The following GRAMD2B variants were observed in gnomAD, a reference collection of about 807,000 sequenced individuals.
GRAMD2B encodes the protein GRAM domain containing 2B, also known as GRAM domain-containing protein 2B.
In GRAMD2B, 41 loss-of-function variants were observed where a neutral mutation model predicts 59.2. The observed-to-expected ratio is 0.69, with a 90% CI of 0.54 to 0.90. The LOEUF (loss-of-function observed/expected upper bound fraction) is 0.90, where lower values mean the gene tolerates loss of function less well. Ranked by LOEUF, GRAMD2B falls within the 40% of genes least tolerant of loss-of-function variation. GRAMD2B has a pLI of 0.00. For synonymous variants in GRAMD2B, 161 were observed against 182.7 expected (o/e 0.88, Z 0.96); for missense variants, 424 against 500.5 (o/e 0.85, Z 1.46).
chr5:126,462,015 C>T (rs1767465908), intron 1 of GRAMD2B, among the ~76,000 whole-genome samples: 1 of 152,158 alleles, frequency 6.6e-6, no homozygotes, highest in Non-Finnish European at 1.5e-5. Flanking sequence ...GCATTTTCTA[C>T]TGCTTCTGTG....
At chr5:126,487,016 C>T in intron 12 of GRAMD2B, 39 bp downstream of exon 12, 1 of 1,068,644 alleles carries the variant, frequency 9.4e-7, no homozygotes, top group Middle Eastern at 2.1e-4. Flanking sequence ...GCTTGCCATT[C>T]TGCTTAATAT....
chr5:126,415,962 T>C (rs767476118), intron 1 of GRAMD2B, among the ~76,000 whole-genome samples: 4 of 152,238 alleles, frequency 2.6e-5, no homozygotes, highest in Non-Finnish European at 4.4e-5. Context: ...TTGCAATGCA[T>C]GAATTGCATT....
At chr5:126,473,871 G>A (rs958061909) in intron 5 of GRAMD2B, among the ~76,000 whole-genome samples, 3 of 152,166 alleles carry the variant, frequency 2.0e-5, no homozygotes, top group African/African-American at 7.2e-5. Context: ...AGCAGGAGGT[G>A]GAGCAGTTAA....
chr5:126,388,801 A>C (rs1376354637), intron 1 of GRAMD2B, among the ~76,000 whole-genome samples: 1 of 152,044 alleles, frequency 6.6e-6, no homozygotes, highest in African/African-American at 2.4e-5. Context: ...CTACATTATT[A>C]TATACCACAT....
chr5:126,448,449 CT>C (rs1764749488), intron 1 of GRAMD2B, among the ~76,000 whole-genome samples: 1 of 152,002 alleles, frequency 6.6e-6, no homozygotes, highest in African/African-American at 2.4e-5. Flanking sequence ...GACCTGTTTT[CT>C]GTACTCATCT....
At chr5:126,365,609 C>T (rs1754406591) in intron 1 of GRAMD2B, among the ~76,000 whole-genome samples, 1 of 152,142 alleles carries the variant, frequency 6.6e-6, no homozygotes, top group African/African-American at 2.4e-5. Context: ...GGCTCAATTC[C>T]CAAAGTCACG....
chr5:126,464,967 G>A (rs1768026160), intron 1 of GRAMD2B: 1 of 726,548 alleles, frequency 1.4e-6, no homozygotes, highest in South Asian at 6.2e-5. Context: ...ATTGCTTAGG[G>A]AACTGCTTGG....
intron 1 of GRAMD2B, among the ~76,000 whole-genome samples, chr5:126,399,495 C>T (rs1021155181): frequency 1.3e-5 from 2 of 152,092 alleles, no homozygotes; most frequent in African/African-American, 4.8e-5. Context: ...GCAGTTCCTC[C>T]CTTTTGCTCT....
intron 1 of GRAMD2B, among the ~76,000 whole-genome samples, chr5:126,446,026 C>T (rs900250308): frequency 1.3e-5 from 2 of 152,186 alleles, no homozygotes; most frequent in Non-Finnish European, 2.9e-5. Flanking sequence ...TACTGGGTAA[C>T]CAGATACCCA....
At chr5:126,489,478 T>C (rs1218604008) in intron 13 of GRAMD2B, among the ~76,000 whole-genome samples, 2 of 152,208 alleles carry the variant, frequency 1.3e-5, no homozygotes, top group Non-Finnish European at 2.9e-5. Context: ...TCAGCAGATC[T>C]GGAACCTGAA....
chr5:126,493,040 C>CTCTGACCAGCAGGGTGCA lies in GRAMD2B; in HGVS notation c.*84_*85insTCTGACCAGCAGGGTGCA. 2 of 1,023,894 alleles carry CTCTGACCAGCAGGGTGCA rather than the reference C, an allele frequency of 2.0e-6. No homozygotes were observed. The highest frequency in any genetic ancestry group is 3.1e-6 in the Non-Finnish European group (2 of 651,882). 63.4% of individuals were successfully genotyped at this position (1,023,894 alleles called of 1,614,324 possible). ...CCTGAGGCGTTTTGTTTGAGTGCAC[C>CTCTGACCAGCAGGGTGCA]CTGCTGGTCAGAGGTGCAAGCAGAT... On this transcript the variant is annotated 3_prime_UTR_variant, in exon 14 of 14. Transcript: ENST00000285689.
intron 1 of GRAMD2B, among the ~76,000 whole-genome samples, chr5:126,405,672 T>C (rs899804310): frequency 6.6e-6 from 1 of 151,742 alleles, no homozygotes; most frequent in African/African-American, 2.4e-5. Flanking sequence ...CAAAAGACAG[T>C]CTCCTTGAGG....
chr5:126,444,874 T>C (rs796364504), intron 1 of GRAMD2B, among the ~76,000 whole-genome samples: 24 of 152,276 alleles, frequency 1.6e-4, no homozygotes, highest in African/African-American at 5.8e-4. Flanking sequence ...CAGGGCTTAG[T>C]GTGTGTTGTT....
intron 1 of GRAMD2B, among the ~76,000 whole-genome samples, chr5:126,456,138 A>G (rs146168791): frequency 1.8e-3 from 278 of 152,308 alleles, no homozygotes; most frequent in African/African-American, 6.5e-3. Context: ...TTACCAAAAT[A>G]ATATAATTCA....
At chr5:126,456,959 A>G (rs6858963) in intron 1 of GRAMD2B, among the ~76,000 whole-genome samples, 141,760 of 151,226 alleles carry the variant, frequency 0.94, 66,774 homozygotes, top group East Asian at 1. Flanking sequence ...TTGGGAGGCC[A>G]AGGCAGGCAG....
chr5:126,409,005 C>T (rs1470857865), intron 1 of GRAMD2B, among the ~76,000 whole-genome samples: 1 of 151,330 alleles, frequency 6.6e-6, no homozygotes, highest in Non-Finnish European at 1.5e-5. Flanking sequence ...CATGTCCCTA[C>T]AAAGGACATG....
At chr5:126,375,723 T>C (rs2149697027) in intron 1 of GRAMD2B, among the ~76,000 whole-genome samples, 1 of 152,306 alleles carries the variant, frequency 6.6e-6, no homozygotes, top group Middle Eastern at 3.4e-3. Flanking sequence ...ACTAGTATAA[T>C]GTTGAGTAGA....
chr5:126,398,197 A>G (rs188740238), intron 1 of GRAMD2B, among the ~76,000 whole-genome samples: 1 of 151,248 alleles, frequency 6.6e-6, no homozygotes, highest in Non-Finnish European at 1.5e-5. Context: ...TAATTTTTTT[A>G]TTATTGTAGA....
In GRAMD2B at chr5:126,465,242, G is replaced by T. The variant is rs149754352; in HGVS notation, c.84-184G>T. 540 of 1,438,850 alleles carry T rather than the reference G, an allele frequency of 3.8e-4. No individual in the cohort carries two copies. The African/African-American group carries it at 6.6e-3, about 18-fold the overall frequency. 89.1% of individuals were successfully genotyped at this position (1,438,850 alleles called of 1,614,324 possible). A position where few individuals can be genotyped will look rare whatever the true frequency, so the allele number is the denominator to read the frequency against. ...ACAGGTGCGACCTGCAGCTACTGCC[G>T]TTGGGACACCAGGCAAGGGGTTAGA... On this transcript the variant is annotated intron_variant, in intron 1 of 13. Transcript: ENST00000285689.
Sources: allele counts gnomAD v4.1 joint callset (sites outside exome capture counted in the v4.1 genomes callset), GRCh38; gene constraint gnomAD v4.1.1; transcripts MANE v1.5; gene names NCBI Gene and HGNC (gene_info 2026-07-23, HGNC 2026-07-21).